The following HPRT1 variants were observed in gnomAD, a reference collection of about 807,000 sequenced individuals.
HPRT1 encodes hypoxanthine phosphoribosyltransferase 1, also known as hypoxanthine-guanine phosphoribosyltransferase.
HPRT1 carries 4 observed loss-of-function variants against 19.0 expected under a neutral mutation model. The ratio of observed to expected loss-of-function variants is 0.21; its 90% CI spans 0.10 to 0.48. The LOEUF is 0.48. Among genes scored for constraint, HPRT1 ranks in the 20% least tolerant of loss-of-function variants. The pLI is 0.98. For synonymous variants in HPRT1, 53 were observed against 54.9 expected, an observed-to-expected ratio of 0.97 and a Z score of 0.15; for missense variants, 65 against 164.0, an observed-to-expected ratio of 0.40 and a Z score of 3.30.
At chrX:134,461,719 G>T (rs913703501) in intron 1 of HPRT1, among the ~76,000 whole-genome samples, 1 of 111,560 alleles carries the variant, frequency 9.0e-6, no homozygotes, top group African/African-American at 3.3e-5. Flanking sequence ...CTGTAGCAAT[G>T]GTATGATTAT....
chrX:134,468,261 T>A (rs2077602211), intron 1 of HPRT1, among the ~76,000 whole-genome samples: 1 of 111,253 alleles, frequency 9.0e-6, no homozygotes, highest in Non-Finnish European at 1.9e-5. Flanking sequence ...ATTCAATAAA[T>A]ATTTGCATAT....
At position 134,500,286 on chromosome X, in the gene HPRT1, C is replaced by T. The variant is rs1033269262; in HGVS notation, c.*209C>T. On this transcript the variant is annotated 3_prime_UTR_variant, in exon 9 of 9. Coordinates refer to ENST00000298556, the MANE Select transcript of HPRT1 (RefSeq NM_000194.3). ...CTATGAGCCTATAGACTATCAGTTC[C>T]CTTTGGGCGGATTGTTGTTTAACTT... The T allele has an allele frequency of 4.1e-5, 16 of 388,157 alleles. 1 individual carries two copies. The highest frequency in any genetic ancestry group is 7.1e-5 in the Non-Finnish European group (16 of 225,093). The allele number at this position is 388,157 out of a possible 1,213,427, so 32.0% of individuals were successfully genotyped here.
chrX:134,483,936 G>A (rs1439721427), intron 3 of HPRT1, among the ~76,000 whole-genome samples: 10 of 111,940 alleles, frequency 8.9e-5, no homozygotes, highest in Admixed American at 1.9e-4. Context: ...TTAGGAGGCC[G>A]AGGCAGGAGG....
At chrX:134,474,522 C>T (rs112449516) in intron 2 of HPRT1, among the ~76,000 whole-genome samples, 342 of 107,460 alleles carry the variant, frequency 3.2e-3, no homozygotes, top group Non-Finnish European at 4.7e-3. Context: ...TGGGTTCAAG[C>T]GATCCTTCCA....
rs369544237 is a variant in HPRT1 at position 134,499,641 on chromosome X, A to G, written c.610-389A>G. Among the ~76,000 whole-genome samples, 9 of 109,476 alleles carry G rather than the reference A, an allele frequency of 8.2e-5. No individual in the cohort carries two copies. The East Asian group carries it at 8.6e-4, about 11-fold the overall frequency. On this transcript the variant is annotated intron_variant, in intron 8 of 8. Transcript: ENST00000298556. ...AACACGGTGAAACCCCGTCTCTACT[A>G]AAAAATAGAAAAAATTAGCTGGGGT...
At chrX:134,475,545 A>G (rs945988479) in intron 3 of HPRT1, among the ~76,000 whole-genome samples, 181 bp downstream of exon 3, 13 of 111,605 alleles carry the variant, frequency 1.2e-4, no homozygotes, top group African/African-American at 4.2e-4. Context: ...GTCACCTTGG[A>G]GGATATATAC....
At chrX:134,470,405 A>G (rs151109396) in intron 1 of HPRT1, among the ~76,000 whole-genome samples, 176 of 112,167 alleles carry the variant, frequency 1.6e-3, no homozygotes, top group African/African-American at 5.4e-3. Flanking sequence ...ACCTCAAAAT[A>G]TAACTGAATT....
intron 3 of HPRT1, among the ~76,000 whole-genome samples, chrX:134,477,522 A>G (rs184375100): frequency 2.0e-4 from 22 of 111,084 alleles, no homozygotes; most frequent in Non-Finnish European, 2.5e-4. Flanking sequence ...TCTTCTGATA[A>G]TATCTCTTGA....
rs1850090911 is a variant in HPRT1 at position 134,500,236 on chromosome X, T to A, written c.*159T>A. 2.1e-6 allele frequency: 1 copy of A among 481,497 alleles called. No individual in the cohort carries two copies. Among genetic ancestry groups the A allele is most frequent in the African/African-American group, 2.4e-5 (1 of 41,925 alleles). The allele number at this position is 481,497 out of a possible 1,213,427, so 39.7% of individuals were successfully genotyped here. A position where few individuals can be genotyped will look rare whatever the true frequency, so the allele number is the denominator to read the frequency against. On this transcript the variant is annotated 3_prime_UTR_variant, in exon 9 of 9. Coordinates refer to ENST00000298556, the MANE Select transcript of HPRT1 (RefSeq NM_000194.3). The stretch of plus-strand genomic sequence containing the variant: ...TTTGTACTTTAGAAATGTCAGTTGC[T>A]GCATTCCTAAACTGTTTATTTGCAC...
At chrX:134,483,967 C>G (rs936088538) in intron 3 of HPRT1, among the ~76,000 whole-genome samples, 1 of 111,612 alleles carries the variant, frequency 9.0e-6, no homozygotes, top group Non-Finnish European at 1.9e-5. Context: ...TCCAGGAGTT[C>G]AAGACCAGCC....
chrX:134,467,041 C>CTTTTTGTTTTTTT (rs2077598682), intron 1 of HPRT1, among the ~76,000 whole-genome samples: 1 of 61,010 alleles, frequency 1.6e-5, no homozygotes, highest in African/African-American at 7.3e-5. Flanking sequence ...AGATTTTAAG[C>CTTTTTGTTTTTTT]TTTTTTTTTT....
Position 134,464,009 on chromosome X carries a change from A to AT in HPRT1, c.27+3681dup, listed in dbSNP as rs17882408. Among the ~76,000 whole-genome samples the AT allele has an allele frequency of 2.8e-3, 306 of 108,875 alleles. 1 individual carries two copies. The highest frequency in any genetic ancestry group is 9.3e-3 in the African/African-American group (280 of 30,042). The allele number at this position is 108,875 out of a possible 115,157, so 94.5% of individuals were successfully genotyped here. A position where few individuals can be genotyped will look rare whatever the true frequency, so the allele number is the denominator to read the frequency against. On this transcript the variant is annotated intron_variant, in intron 1 of 8. Transcript: ENST00000298556. Reference sequence around the variant, plus strand: ...GTGCTTCTGATAACTGATAAGTATAATTTTTTTTTTGTCCAGAGTGAACAT... The same window carrying AT: ...GTGCTTCTGATAACTGATAAGTATAATTTTTTTTTTTGTCCAGAGTGAACAT...
chrX:134,486,443 A>AG, intron 3 of HPRT1, 22 bp from the exon 4 acceptor site: 1 of 670,381 alleles, frequency 1.5e-6, no homozygotes, highest in Non-Finnish European at 2.2e-6. Context: ...ATATATATAT[A>AG]GTTTTTTTTT....
chrX:134,487,145 C>CA (rs758187301), intron 4 of HPRT1, among the ~76,000 whole-genome samples: 1 of 111,553 alleles, frequency 9.0e-6, no homozygotes, highest in African/African-American at 3.2e-5. Context: ...TAAGAAATCT[C>CA]AAAGAGTTTT....
intron 4 of HPRT1, among the ~76,000 whole-genome samples, chrX:134,489,916 A>G (rs2077662271): frequency 9.0e-6 from 1 of 111,706 alleles, no homozygotes; most frequent in South Asian, 3.8e-4. Flanking sequence ...AGACTTGCCC[A>G]AGATTAGACC....
Position 134,499,914 on chromosome X carries a change from T to C in HPRT1, c.610-116T>C, listed in dbSNP as rs1464096218. 4 of 529,975 alleles carry C rather than the reference T, an allele frequency of 7.5e-6. No homozygotes were observed. In the East Asian group the frequency reaches 1.4e-4, roughly 19 times the overall value. 43.7% of individuals were successfully genotyped at this position (529,975 alleles called of 1,213,427 possible). On this transcript the variant is annotated intron_variant, in intron 8 of 8. Transcript: ENST00000298556. ...ACTGATCTAAAATACAGTAGTACTA[T>C]CTCTGTTTAGTAAGAACCCTGACAA...
chrX:134,480,454 G>GTTT (rs35009311), intron 3 of HPRT1, among the ~76,000 whole-genome samples: 9 of 99,596 alleles, frequency 9.0e-5, no homozygotes, highest in East Asian at 3.2e-4. Context: ...AATTAGAAAT[G>GTTT]TTTTTTTTTT....
At position 134,460,232 on chromosome X, in the gene HPRT1, C is replaced by G; in HGVS notation, c.-80C>G. On this transcript the variant is annotated 5_prime_UTR_variant, in exon 1 of 9. Coordinates refer to ENST00000298556, the MANE Select transcript of HPRT1 (RefSeq NM_000194.3). ...CTTTCCCGCGCGGCGCCGCCTCTTGCTGCGCCTCCGCCTCCTCCTCTGCTC... is the reference window on the plus strand; with the variant it reads ...CTTTCCCGCGCGGCGCCGCCTCTTGGTGCGCCTCCGCCTCCTCCTCTGCTC... 1 of 1,040,647 alleles carries G rather than the reference C, an allele frequency of 9.6e-7. No homozygotes were observed. The highest frequency in any genetic ancestry group is 1.3e-6 in the Non-Finnish European group (1 of 782,850). The allele number at this position is 1,040,647 out of a possible 1,213,427, so 85.8% of individuals were successfully genotyped here. A position where few individuals can be genotyped will look rare whatever the true frequency, so the allele number is the denominator to read the frequency against.
At chrX:134,478,273 T>G (rs73557317) in intron 3 of HPRT1, among the ~76,000 whole-genome samples, 1,579 of 111,419 alleles carry the variant, frequency 0.014, 32 homozygotes, top group African/African-American at 0.049. Context: ...ACCCATCTAT[T>G]TTTTTTTGGA....
Sources: allele counts gnomAD v4.1 joint callset (sites outside exome capture counted in the v4.1 genomes callset), GRCh38; gene constraint gnomAD v4.1.1; transcripts MANE v1.5; gene names NCBI Gene and HGNC (gene_info 2026-07-23, HGNC 2026-07-21).